The following HDAC4 variants were observed in gnomAD, a reference collection of about 807,000 sequenced individuals.
HDAC4 encodes histone deacetylase 4, also known as histone deacetylase A.
HDAC4 carries 16 observed loss-of-function variants against 135.1 expected under a neutral mutation model. The observed-to-expected ratio is 0.12, with a 90% CI of 0.08 to 0.18. The LOEUF is 0.18. Among genes scored for constraint, HDAC4 ranks in the 10% least tolerant of loss-of-function variants. The probability of loss-of-function intolerance (pLI) is 1.00; values close to 1 mark genes in which losing one functional copy is unlikely to be tolerated. For missense variants in HDAC4, 1,143 were observed against 1,511.8 expected (o/e 0.76, Z 4.05); for synonymous variants, 685 against 653.4 (o/e 1.05, Z -0.74).
intron 20 of HDAC4, 96 bp from the exon 21 acceptor site, chr2:239,082,317 A>G (rs1479623503): frequency 3.4e-6 from 5 of 1,488,548 alleles, no homozygotes; most frequent in Non-Finnish European, 2.8e-6. Context: ...GCTTAGTGAC[A>G]ACGGCTCCTG....
chr2:239,108,671 T>C (rs1183257518), intron 14 of HDAC4, among the ~76,000 whole-genome samples: 1 of 152,202 alleles, frequency 6.6e-6, no homozygotes, highest in African/African-American at 2.4e-5. Flanking sequence ...CTGTCCAAGG[T>C]ACTTGAGATT....
intron 2 of HDAC4, among the ~76,000 whole-genome samples, chr2:239,268,660 C>T (rs2049883668): frequency 6.6e-6 from 1 of 152,170 alleles, no homozygotes; most frequent in Non-Finnish European, 1.5e-5. Context: ...AGGTGACCAC[C>T]CATTTCCTGT....
intron 1 of HDAC4, among the ~76,000 whole-genome samples, chr2:239,392,984 G>A (rs1696329690): frequency 6.6e-6 from 1 of 152,196 alleles, no homozygotes. Flanking sequence ...ACTCCTGGCA[G>A]GCTTCAGTCC....
intron 5 of HDAC4, among the ~76,000 whole-genome samples, chr2:239,170,901 T>C (rs2152989188): frequency 6.6e-6 from 1 of 152,286 alleles, no homozygotes. Context: ...AGCTTGTGCG[T>C]AGGACCTCAA....
intron 3 of HDAC4, among the ~76,000 whole-genome samples, chr2:239,217,046 A>G (rs2046682047): frequency 6.6e-6 from 1 of 152,162 alleles, no homozygotes; most frequent in African/African-American, 2.4e-5. Context: ...TCCTATAGAA[A>G]GGGAGCCTCC....
chr2:239,308,194 C>A lies in HDAC4; in HGVS notation c.22+44484G>T, dbSNP rs1057378398. ...GGGGGTGGTCAGCGTGCAGGAAGCCCTCCTTGACGATGAGCTATCAGCTTA... is the reference window on the plus strand; with the variant it reads ...GGGGGTGGTCAGCGTGCAGGAAGCCATCCTTGACGATGAGCTATCAGCTTA... On this transcript the variant is annotated intron_variant, in intron 2 of 26. Transcript: ENST00000543185. The surrounding 1 kb of genome is among the most constrained non-coding windows in gnomAD (Gnocchi z 4.2). Among the ~76,000 whole-genome samples, 1 of 152,152 alleles carries A rather than the reference C, an allele frequency of 6.6e-6. No homozygotes were observed. Among genetic ancestry groups the A allele is most frequent in the African/African-American group, 2.4e-5 (1 of 41,430 alleles).
At chr2:239,106,443 T>C (rs2038137857) in intron 15 of HDAC4, among the ~76,000 whole-genome samples, 1 of 152,194 alleles carries the variant, frequency 6.6e-6, no homozygotes, top group South Asian at 2.1e-4. Context: ...TCTGGTCCTG[T>C]GGAGGGAAGG....
At chr2:239,365,762 GAC>G (rs1203720632) in intron 1 of HDAC4, among the ~76,000 whole-genome samples, 1 of 151,892 alleles carries the variant, frequency 6.6e-6, no homozygotes, top group Non-Finnish European at 1.5e-5. Flanking sequence ...GGCACTGGGG[GAC>G]ACACACAGAC....
intron 1 of HDAC4, among the ~76,000 whole-genome samples, chr2:239,392,599 G>T (rs1158266477): frequency 6.6e-6 from 1 of 152,194 alleles, no homozygotes; most frequent in Admixed American, 6.5e-5. Flanking sequence ...GGACCCACAG[G>T]CCATCTTCCC....
intron 3 of HDAC4, among the ~76,000 whole-genome samples, chr2:239,212,418 T>C (rs1263281715): frequency 2.0e-5 from 3 of 151,990 alleles, no homozygotes; most frequent in African/African-American, 4.8e-5. Flanking sequence ...AAAAAAGATA[T>C]AAATCTCTCC....
rs2053193331 is a variant in HDAC4, at chr2:239,318,451, G to A, written c.22+34227C>T. Among the ~76,000 whole-genome samples, 6 of 152,306 alleles carry A rather than the reference G, an allele frequency of 3.9e-5. No individual in the cohort carries two copies. The South Asian group carries it at 1.2e-3, about 32-fold the overall frequency. On this transcript the variant is annotated intron_variant, in intron 2 of 26. Transcript: ENST00000543185. ...GAGCAAAGGGGACTGGGGAGGACGT[G>A]AGAATTGAAGGCCCTGCAGGGCCTG...
intron 2 of HDAC4, among the ~76,000 whole-genome samples, chr2:239,289,072 G>A (rs1242974241): frequency 6.6e-6 from 1 of 152,226 alleles, no homozygotes; most frequent in African/African-American, 2.4e-5. Context: ...CTGAGCACAG[G>A]GAGGGTCCAA....
intron 9 of HDAC4, among the ~76,000 whole-genome samples, chr2:239,135,084 C>A (rs916871008): frequency 6.6e-6 from 1 of 152,202 alleles, no homozygotes; most frequent in African/African-American, 2.4e-5. Flanking sequence ...TTTAACTGTA[C>A]ATTTAAAAAT....
chr2:239,060,508 G>A (rs757993059), intron 24 of HDAC4, among the ~76,000 whole-genome samples: 1 of 152,222 alleles, frequency 6.6e-6, no homozygotes, highest in Non-Finnish European at 1.5e-5. Flanking sequence ...CTGCTCTGCC[G>A]TGGCGGTCAT....
chr2:239,338,451 C>G (rs548781235), intron 2 of HDAC4, among the ~76,000 whole-genome samples: 1 of 152,118 alleles, frequency 6.6e-6, no homozygotes, highest in Non-Finnish European at 1.5e-5. Flanking sequence ...ATTCTCACAC[C>G]GACCTTCGTC....
rs1053082418 is a variant in HDAC4 at position 239,282,700 on chromosome 2, C to T, written c.23-46036G>A. Among the ~76,000 whole-genome samples the T allele has an allele frequency of 6.5e-5, 9 of 138,952 alleles. 1 individual carries two copies. Among genetic ancestry groups the T allele is most frequent in the African/African-American group, 2.8e-4 (9 of 31,744 alleles). The allele number at this position is 138,952 out of a possible 152,430, so 91.2% of individuals were successfully genotyped here. On this transcript the variant is annotated intron_variant, in intron 2 of 26. Coordinates refer to ENST00000543185, the MANE Select transcript of HDAC4 (RefSeq NM_001378414.1). ...ACACACCACTCTACAATGTACACAC[C>T]ACTCTGCAAACAATGTACACACCAC...
intron 2 of HDAC4, among the ~76,000 whole-genome samples, chr2:239,277,717 G>A (rs2050454075): frequency 6.6e-6 from 1 of 152,166 alleles, no homozygotes. Context: ...GTCTGCTTTG[G>A]AAAGACACTT....
intron 3 of HDAC4, among the ~76,000 whole-genome samples, chr2:239,224,930 T>C (rs904615518): frequency 1.3e-5 from 2 of 152,240 alleles, no homozygotes; most frequent in Non-Finnish European, 1.5e-5. Flanking sequence ...ACCCAATTAC[T>C]AGAGAATTCA....
chr2:239,111,474 G>A, intron 14 of HDAC4, 52 bp downstream of exon 14: 3 of 1,540,970 alleles, frequency 1.9e-6, no homozygotes, highest in Non-Finnish European at 2.7e-6. Flanking sequence ...CCCGCGCTGT[G>A]CCCACTGTGG....
Sources: gnomAD v4.1 joint callset for allele counts (sites outside exome capture counted in the v4.1 genomes callset) on GRCh38, gnomAD v4.1.1 for gene constraint, Gnocchi (gnomAD v3.1) non-coding constraint, MANE v1.5 for transcripts, NCBI Gene and HGNC (gene_info 2026-07-23, HGNC 2026-07-21) for gene names.